The following PIK3CA variants were observed in gnomAD, a reference collection of about 807,000 sequenced individuals.
The protein encoded by PIK3CA is phosphatidylinositol-4,5-bisphosphate 3-kinase catalytic subunit alpha, also known as phosphatidylinositol 4,5-bisphosphate 3-kinase catalytic subunit alpha isoform.
PIK3CA carries 27 observed loss-of-function variants against 138.2 expected under a neutral mutation model. The ratio of observed to expected loss-of-function variants is 0.20; its 90% confidence interval spans 0.14 to 0.27. The LOEUF (loss-of-function observed/expected upper bound fraction) is 0.27. PIK3CA is among the 10% of genes least tolerant of loss of function. The pLI, the probability that PIK3CA is intolerant of heterozygous loss-of-function variation, is 1.00. For missense variants in PIK3CA, 544 were observed against 1,277.4 expected, an observed-to-expected ratio of 0.43 and a Z score of 8.75; for synonymous variants, 358 against 413.2, an observed-to-expected ratio of 0.87 and a Z score of 1.62.
chr3:179,226,299 A>C (rs1233682082), intron 17 of PIK3CA, among the ~76,000 whole-genome samples: 2 of 152,168 alleles, frequency 1.3e-5, no homozygotes, highest in African/African-American at 4.8e-5. Context: ...GGAACAAGAC[A>C]AAGGAGACAC....
chr3:179,219,836 T>C lies in PIK3CA; in HGVS notation c.1911+101T>C, dbSNP rs1361541131. On this transcript the variant is annotated intron_variant, in intron 12 of 20. Transcript: ENST00000263967. The surrounding 1 kb of genome is among the most constrained non-coding windows in gnomAD (Gnocchi z 4.2). ...AAAAACCTACTGCACTAACTAGTTT[T>C]ATGCTTAAAAAAAAAAATTATTACC... The C allele has an allele frequency of 6.7e-7, 1 of 1,498,310 alleles. No homozygotes were observed. The highest frequency in any genetic ancestry group is 2.3e-5 in the East Asian group (1 of 43,534). 92.8% of individuals were successfully genotyped at this position (1,498,310 alleles called of 1,614,324 possible). A position where few individuals can be genotyped will look rare whatever the true frequency, so the allele number is the denominator to read the frequency against.
chr3:179,163,277 A>G (rs1411671844), intron 1 of PIK3CA, among the ~76,000 whole-genome samples: 1 of 152,216 alleles, frequency 6.6e-6, no homozygotes, highest in Non-Finnish European at 1.5e-5. Context: ...GTCATTTTAA[A>G]AAGACATTTA....
intron 1 of PIK3CA, among the ~76,000 whole-genome samples, chr3:179,190,297 T>C (rs1724094516): frequency 6.8e-6 from 1 of 146,838 alleles, no homozygotes; most frequent in Non-Finnish European, 1.5e-5. Context: ...GTGCACTATA[T>C]ATATAGTGCA....
intron 1 of PIK3CA, among the ~76,000 whole-genome samples, chr3:179,149,890 TC>T (rs1242805471): frequency 6.6e-6 from 1 of 152,240 alleles, no homozygotes; most frequent in Non-Finnish European, 1.5e-5. Context: ...TAAGAAAACT[TC>T]TGGAAAATAC....
chr3:179,204,707 C>A (rs2108394820), intron 6 of PIK3CA, 119 bp downstream of exon 6: 1 of 532,268 alleles, frequency 1.9e-6, no homozygotes, highest in East Asian at 2.9e-5. Flanking sequence ...CCCATTTCTA[C>A]AAAAAGTTTT....
At chr3:179,224,342 T>G (rs990373384) in intron 15 of PIK3CA, among the ~76,000 whole-genome samples, 155 bp downstream of exon 15, 3 of 152,184 alleles carry the variant, frequency 2.0e-5, no homozygotes, top group African/African-American at 7.2e-5. Flanking sequence ...TAGTATATCT[T>G]AAGTTCAGTA....
chr3:179,182,730 T>A (rs1358970388), intron 1 of PIK3CA, among the ~76,000 whole-genome samples: 1 of 152,206 alleles, frequency 6.6e-6, no homozygotes, highest in East Asian at 1.9e-4. Context: ...TACACAGTTA[T>A]ACCCATTTCA....
At chr3:179,153,885 C>G (rs1723070131) in intron 1 of PIK3CA, among the ~76,000 whole-genome samples, 1 of 152,110 alleles carries the variant, frequency 6.6e-6, no homozygotes, top group Non-Finnish European at 1.5e-5. Flanking sequence ...TAGTTAAAGT[C>G]TGAGGATTCA....
Position 179,219,108 on chromosome 3 carries a change from TAAG to T in PIK3CA, c.1665-83_1665-81del. ...GTAATGTAAGAAGTTTGGGACTTCTTAAGAAGATTCATATGGAGAAGTTAGACA... is the reference window on the plus strand; with the variant it reads ...GTAATGTAAGAAGTTTGGGACTTCTTAAGATTCATATGGAGAAGTTAGACA... On this transcript the variant is annotated intron_variant, in intron 10 of 20. Transcript: ENST00000263967. The surrounding 1 kb of genome is among the most constrained non-coding windows in gnomAD (Gnocchi z 4.2). The T allele has an allele frequency of 1.4e-6, 1 of 733,566 alleles. No individual in the cohort carries two copies. The highest frequency in any genetic ancestry group is 2.3e-6 in the Non-Finnish European group (1 of 428,316). The allele number at this position is 733,566 out of a possible 1,614,324, so 45.4% of individuals were successfully genotyped here.
intron 1 of PIK3CA, among the ~76,000 whole-genome samples, chr3:179,151,747 G>A (rs1432647829): frequency 6.6e-6 from 1 of 152,196 alleles, no homozygotes; most frequent in African/African-American, 2.4e-5. Flanking sequence ...TGCAAATACA[G>A]TTTGTACTTC....
At chr3:179,224,319 C>T (rs963174152) in intron 15 of PIK3CA, 132 bp downstream of exon 15, 12 of 545,444 alleles carry the variant, frequency 2.2e-5, no homozygotes, top group African/African-American at 1.5e-4. Flanking sequence ...TTCTCCTACC[C>T]TCAAAATAAG....
At chr3:179,190,307 A>ACCCC (rs61660360) in intron 1 of PIK3CA, among the ~76,000 whole-genome samples, 34 of 129,652 alleles carry the variant, frequency 2.6e-4, no homozygotes, top group Middle Eastern at 3.7e-3. Flanking sequence ...TATATAGTGC[A>ACCCC]CCCCCCCCAC....
intron 8 of PIK3CA, 21 bp downstream of exon 8, chr3:179,210,359 A>C (rs774599568): frequency 6.3e-7 from 1 of 1,584,196 alleles, no homozygotes; most frequent in South Asian, 1.2e-5. Context: ...TATTGTCATA[A>C]ATTAGATATT....
chr3:179,224,539 T>A (rs1338997077), intron 15 of PIK3CA, among the ~76,000 whole-genome samples, 161 bp from the exon 16 acceptor site: 4 of 152,168 alleles, frequency 2.6e-5, no homozygotes, highest in Non-Finnish European at 4.4e-5. Context: ...TAGTTTTTTT[T>A]ATACTCTTTA....
At chr3:179,200,609 CT>C in intron 3 of PIK3CA, among the ~76,000 whole-genome samples, 1 of 152,172 alleles carries the variant, frequency 6.6e-6, no homozygotes, top group Non-Finnish European at 1.5e-5. Flanking sequence ...TTTCAAAATT[CT>C]TTTCTATTCT....
chr3:179,230,451 C>G lies in PIK3CA; in HGVS notation c.2936+75C>G, dbSNP rs2108425652. The G allele has an allele frequency of 7.8e-7, 1 of 1,287,066 alleles. No homozygotes were observed. Among genetic ancestry groups the G allele is most frequent in the South Asian group, 1.5e-5 (1 of 68,600 alleles). The allele number at this position is 1,287,066 out of a possible 1,614,324, so 79.7% of individuals were successfully genotyped here. A position where few individuals can be genotyped will look rare whatever the true frequency, so the allele number is the denominator to read the frequency against. On this transcript the variant is annotated intron_variant, in intron 20 of 20. Coordinates refer to ENST00000263967, the MANE Select transcript of PIK3CA (RefSeq NM_006218.4). This position sits in a 1 kb window ranked among gnomAD's most constrained non-coding sequence, Gnocchi z 5.4. ...TTAGAAACAATCAATATTTTTCAAG[C>G]AATTTCAAAATAATAAATGTTGGCT...
At chr3:179,178,640 A>G (rs1021303255) in intron 1 of PIK3CA, among the ~76,000 whole-genome samples, 2 of 152,220 alleles carry the variant, frequency 1.3e-5, no homozygotes, top group African/African-American at 4.8e-5. Context: ...AATCATCCCT[A>G]GGTTCCATGG....
chr3:179,209,125 T>C (rs1415077034), intron 6 of PIK3CA, among the ~76,000 whole-genome samples: 1 of 151,314 alleles, frequency 6.6e-6, no homozygotes, highest in Non-Finnish European at 1.5e-5. Context: ...TATAGTTCAG[T>C]CACAAAGTAA....
At chr3:179,221,294 A>C in intron 14 of PIK3CA, 137 bp downstream of exon 14, 1 of 627,026 alleles carries the variant, frequency 1.6e-6, no homozygotes, top group South Asian at 2.1e-5. Context: ...ACTGCCTCTC[A>C]GCTGTGTAGT....
Sources: gnomAD v4.1 joint callset for allele counts (sites outside exome capture counted in the v4.1 genomes callset) on GRCh38, gnomAD v4.1.1 for gene constraint, Gnocchi (gnomAD v3.1) non-coding constraint, MANE v1.5 for transcripts, NCBI Gene and HGNC (gene_info 2026-07-23, HGNC 2026-07-21) for gene names.